The following FBXL2 variants were observed in gnomAD, a reference collection of about 807,000 sequenced individuals.
FBXL2 encodes the protein F-box and leucine rich repeat protein 2, also known as F-box/LRR-repeat protein 2.
A neutral mutation model predicts 69.2 loss-of-function variants in FBXL2; 38 were observed. The ratio of observed to expected loss-of-function variants is 0.55; its 90% CI spans 0.42 to 0.72. The LOEUF (loss-of-function observed/expected upper bound fraction) is 0.72, where lower values mean the gene tolerates loss of function less well. Among genes scored for constraint, FBXL2 ranks in the 30% least tolerant of loss-of-function variants. The pLI, the probability that FBXL2 is intolerant of heterozygous loss-of-function variation, is 0.00. For missense variants in FBXL2, 354 were observed against 520.3 expected (o/e 0.68, Z 3.11); for synonymous variants, 192 against 201.3 (o/e 0.95, Z 0.39).
chr3:33,385,571 G>A lies in FBXL2; in HGVS notation c.1235G>A (p.Ser412Asn), dbSNP rs975594381. 7 of 1,613,972 alleles carry A rather than the reference G, an allele frequency of 4.3e-6. No individual in the cohort carries two copies. The African/African-American group carries it at 8.0e-5, about 18-fold the overall frequency. ...ACCCCACCGACAGCAGTGGCAGGAA[G>A]TGGACAGCGACTGTGCAGGTGCTGT... ...PVTPPTAVAG[S>N]GQRLCRCCVI... is the part of the protein sequence containing the mutation. The change falls in exon 15 of 15, where the codon AGT becomes AAT. Residue 412 changes from serine (S) to asparagine (N), a missense_variant. Coordinates refer to ENST00000484457, the MANE Select transcript of FBXL2 (RefSeq NM_012157.5).
intron 2 of FBXL2, among the ~76,000 whole-genome samples, chr3:33,344,276 A>G (rs1336164633): frequency 1.3e-5 from 2 of 152,100 alleles, no homozygotes; most frequent in African/African-American, 2.4e-5. Context: ...TAAAAATGTA[A>G]TTTCAGTCAA....
At chr3:33,317,762 G>A (rs755126538) in intron 2 of FBXL2, 5 of 252,392 alleles carry the variant, frequency 2.0e-5, no homozygotes, top group Middle Eastern at 1.5e-3. Flanking sequence ...TGGATGTTAG[G>A]GAATATGCCC....
At chr3:33,348,265 A>G (rs1361498378) in intron 2 of FBXL2, among the ~76,000 whole-genome samples, 1 of 152,130 alleles carries the variant, frequency 6.6e-6, no homozygotes, top group Admixed American at 6.6e-5. Flanking sequence ...TCCCAACACC[A>G]TTTATTGAAG....
At chr3:33,394,956 A>G (rs2043917499) in intron 12 of FBXL2, among the ~76,000 whole-genome samples, 1 of 152,072 alleles carries the variant, frequency 6.6e-6, no homozygotes, top group South Asian at 2.1e-4. Flanking sequence ...AGAGATGGAA[A>G]TATTTACTAC....
At chr3:33,405,731 G>A (rs1007925018), downstream of FBXL2, among the ~76,000 whole-genome samples, 1 of 152,078 alleles carries the variant, frequency 6.6e-6, no homozygotes, top group African/African-American at 2.4e-5. Context: ...CTGCACTCCA[G>A]GCCCAGGTGA....
the FBXL2 span, among the ~76,000 whole-genome samples, chr3:33,420,562 C>T: frequency 1.3e-5 from 2 of 149,360 alleles, no homozygotes; most frequent in Non-Finnish European, 2.9e-5. Flanking sequence ...AATCTTGGCT[C>T]ACTGCAACCT....
intron 11 of FBXL2, among the ~76,000 whole-genome samples, 194 bp downstream of exon 11, chr3:33,377,527 TAA>T (rs2042723319): frequency 3.3e-5 from 5 of 152,158 alleles, no homozygotes; most frequent in Admixed American, 3.3e-4. Flanking sequence ...GAGGGTTCTG[TAA>T]AGAGTCTGAG....
the FBXL2 span, chr3:33,411,729 A>AT: frequency 6.6e-7 from 1 of 1,517,254 alleles, no homozygotes. Flanking sequence ...TCCACTTTAA[A>AT]TAACTTAAAA....
intron 12 of FBXL2, among the ~76,000 whole-genome samples, chr3:33,402,368 A>T (rs1176758796): frequency 6.6e-6 from 1 of 152,238 alleles, no homozygotes; most frequent in African/African-American, 2.4e-5. Flanking sequence ...TAAAGATTTA[A>T]TTAAAAAAAT....
chr3:33,388,535 G>A (rs2043610732), downstream of FBXL2: 3 of 152,682 alleles, frequency 2.0e-5, no homozygotes, highest in South Asian at 6.2e-4. Context: ...ACCTGATGAG[G>A]AATTCAAAAT....
the FBXL2 span, chr3:33,409,619 C>A: frequency 1.9e-6 from 3 of 1,614,052 alleles, no homozygotes; most frequent in Non-Finnish European, 2.5e-6. Flanking sequence ...ACGATTCAGG[C>A]TGAAATGGAT....
the FBXL2 span, among the ~76,000 whole-genome samples, chr3:33,420,488 C>CT: frequency 0.12 from 14,695 of 120,482 alleles, 1,635 homozygotes; most frequent in African/African-American, 0.27. Context: ...ACCATACTGG[C>CT]TTTTTTTTTT....
intron 1 of FBXL2, among the ~76,000 whole-genome samples, chr3:33,285,245 A>G (rs1020356979): frequency 7.2e-5 from 11 of 152,190 alleles, no homozygotes; most frequent in African/African-American, 2.4e-4. Flanking sequence ...GGTGGTGACA[A>G]AATCTCTCAG....
chr3:33,354,739 C>T (rs1340311202), intron 2 of FBXL2, among the ~76,000 whole-genome samples: 1 of 151,906 alleles, frequency 6.6e-6, no homozygotes, highest in Non-Finnish European at 1.5e-5. Flanking sequence ...TATCATTGTA[C>T]TAGAGAAGAT....
At chr3:33,343,308 A>C (rs2040205459) in intron 2 of FBXL2, among the ~76,000 whole-genome samples, 1 of 152,130 alleles carries the variant, frequency 6.6e-6, no homozygotes, top group African/African-American at 2.4e-5. Context: ...AAACTTGAAC[A>C]TATATGCAGA....
At chr3:33,343,169 A>G (rs2040195254) in intron 2 of FBXL2, among the ~76,000 whole-genome samples, 2 of 152,002 alleles carry the variant, frequency 1.3e-5, no homozygotes, top group Admixed American at 1.3e-4. Context: ...ATGATAGTTA[A>G]AGAACATTTT....
rs552504376 is a variant in FBXL2 at position 33,279,223 on chromosome 3, G to C, written c.3+1708G>C. On this transcript the variant is annotated intron_variant, in intron 1 of 14. Coordinates refer to ENST00000484457, the MANE Select transcript of FBXL2 (RefSeq NM_012157.5). ...GAAGTGGGGAATGGTTGGTACAGGA[G>C]GGAGAGGGATGAAGCGGCTGCATAT... Among the ~76,000 whole-genome samples the C allele has an allele frequency of 3.9e-5, 6 of 152,184 alleles. No individual in the cohort carries two copies. In the East Asian group the frequency reaches 9.7e-4, roughly 25 times the overall value.
intron 2 of FBXL2, among the ~76,000 whole-genome samples, chr3:33,354,485 C>A (rs2041059099): frequency 6.6e-6 from 1 of 151,612 alleles, no homozygotes; most frequent in African/African-American, 2.4e-5. Flanking sequence ...TACACTCCAG[C>A]CTGGGTGACA....
intron 13 of FBXL2, 47 bp downstream of exon 13, chr3:33,378,788 A>G (rs768879845): frequency 2.5e-6 from 4 of 1,613,984 alleles, no homozygotes; most frequent in Non-Finnish European, 3.4e-6. Flanking sequence ...AAGATGAAAG[A>G]GCCCTCCCAC....
Sources: allele counts gnomAD v4.1 joint callset (sites outside exome capture counted in the v4.1 genomes callset), GRCh38; gene constraint gnomAD v4.1.1; transcripts MANE v1.5; gene names NCBI Gene and HGNC (gene_info 2026-07-23, HGNC 2026-07-21).